The following PLAGL1 variants were observed in gnomAD, a reference collection of about 807,000 sequenced individuals.
The protein encoded by PLAGL1 is zinc finger protein PLAGL1.
In PLAGL1, 1 loss-of-function variant was observed where a neutral mutation model predicts 4.6. The observed-to-expected ratio is 0.22, with a 90% CI of 0.08 to 1.03. The LOEUF (loss-of-function observed/expected upper bound fraction) is 1.03. Among genes scored for constraint, PLAGL1 ranks in the 50% least tolerant of loss-of-function variants. The pLI, the probability that PLAGL1 is intolerant of heterozygous loss-of-function variation, is 0.58. For synonymous variants in PLAGL1, 240 were observed against 237.8 expected, an observed-to-expected ratio of 1.01 and a Z score of -0.08; for missense variants, 464 against 570.4, an observed-to-expected ratio of 0.81 and a Z score of 1.90.
At chr6:143,977,439 C>CT (rs958256573) in intron 2 of PLAGL1, among the ~76,000 whole-genome samples, 1,248 of 110,642 alleles carry the variant, frequency 0.011, 21 homozygotes, top group African/African-American at 0.037. Flanking sequence ...TAGCTCACTT[C>CT]TTTTTTTTTT....
At chr6:143,977,747 A>T (rs1252248213) in intron 2 of PLAGL1, among the ~76,000 whole-genome samples, 1 of 151,600 alleles carries the variant, frequency 6.6e-6, no homozygotes, top group Non-Finnish European at 1.5e-5. Context: ...TGATCCACCC[A>T]TCTCGGCCTC....
chr6:143,970,543 G>A lies in PLAGL1; in HGVS notation c.-543-1565C>T, dbSNP rs1248959968. 6.6e-6 allele frequency among the ~76,000 whole-genome samples: 1 copy of A among 152,024 alleles called. No individual in the cohort carries two copies. Among genetic ancestry groups the A allele is most frequent in the Non-Finnish European group, 1.5e-5 (1 of 68,006 alleles). ...GCAACTAAATCTAGTGGGTAAGGAG[G>A]ATGTCTTGTTTTCAACGGCTAGATA... On this transcript the variant is annotated intron_variant, in intron 2 of 7. Coordinates refer to ENST00000674357, the MANE Select transcript of PLAGL1 (RefSeq NM_001317162.2). This position sits in a 1 kb window ranked among gnomAD's most constrained non-coding sequence, Gnocchi z 5.8.
chr6:143,994,024 T>G lies in PLAGL1; in HGVS notation c.-583-8850A>C, dbSNP rs1447408444. ...TAGGGCAAATTCTCAAATGTTCACT[T>G]CATATATGGCTAAGGAAAAAAAAAA... On this transcript the variant is annotated intron_variant, in intron 1 of 7. Transcript: ENST00000674357. The surrounding 1 kb of genome is among the most constrained non-coding windows in gnomAD (Gnocchi z 4.3). Among the ~76,000 whole-genome samples the G allele has an allele frequency of 3.3e-5, 5 of 151,390 alleles. No homozygotes were observed. Among genetic ancestry groups the G allele is most frequent in the Non-Finnish European group, 7.4e-5 (5 of 67,840 alleles).
rs1778328948 is a variant in PLAGL1, at chr6:143,940,361, C to CATA, written c.*1060_*1062dup. On this transcript the variant is annotated 3_prime_UTR_variant, in exon 8 of 8. Coordinates refer to ENST00000674357, the MANE Select transcript of PLAGL1 (RefSeq NM_001317162.2). ...ATGTTTACGGAAAAGCCTCTAAAAA[C>CATA]ATAAGACAATGGAGCTTTAAAAAAG... The CATA allele has an allele frequency of 6.6e-6, 1 of 152,144 alleles. No homozygotes were observed. Among genetic ancestry groups the CATA allele is most frequent in the African/African-American group, 2.4e-5 (1 of 41,420 alleles). The allele number at this position is 152,144 out of a possible 1,614,324, so 9.4% of individuals were successfully genotyped here. A position where few individuals can be genotyped will look rare whatever the true frequency, so the allele number is the denominator to read the frequency against.
chr6:143,941,952 C>A lies in PLAGL1; in HGVS notation c.864G>T (p.Ser288=), dbSNP rs201057231. The change falls in exon 8 of 8, where the codon TCG becomes TCT. Residue 288 remains serine, a synonymous_variant. Coordinates refer to ENST00000674357, the MANE Select transcript of PLAGL1 (RefSeq NM_001317162.2). The surrounding 1 kb of genome is among the most constrained non-coding windows in gnomAD (Gnocchi z 6.0). Reference sequence around the variant, plus strand: ...GTGGCGGAGGAGAGCCAGGGGATACCGAGGGGTGGAGGGAGGCCAGGGACT... The same window carrying A: ...GTGGCGGAGGAGAGCCAGGGGATACAGAGGGGTGGAGGGAGGCCAGGGACT... ...LPESLASLHP[S]VSPGSPPPPL... 328 of 1,602,724 alleles carry A rather than the reference C, an allele frequency of 2.0e-4. 2 individuals are homozygous for A. The East Asian group carries it at 7.0e-3, about 34-fold the overall frequency.
At chr6:144,014,443 A>T (rs1014609770) in intron 1 of PLAGL1, among the ~76,000 whole-genome samples, 4 of 152,012 alleles carry the variant, frequency 2.6e-5, no homozygotes, top group South Asian at 2.1e-4. Context: ...AAATAAAAAT[A>T]AAAAAAAGAC....
rs1349781605 is a variant in PLAGL1 at position 144,053,935 on chromosome 6, A to G, written c.-151+10533T>C. ...ATTATCACATGAATCCTGTCAAAGT[A>G]CATACCAAGAAGAACACCATCAACT... On this transcript the variant is annotated intron_variant, in intron 1 of 3. Coordinates refer to the PLAGL1 transcript ENST00000437412. The surrounding 1 kb of genome is among the most constrained non-coding windows in gnomAD (Gnocchi z 4.0). Among the ~76,000 whole-genome samples the G allele has an allele frequency of 1.3e-5, 2 of 152,228 alleles. No individual in the cohort carries two copies. The highest frequency in any genetic ancestry group is 4.8e-5 in the African/African-American group (2 of 41,462).
chr6:144,020,413 G>A (rs1795885456), intron 1 of PLAGL1, among the ~76,000 whole-genome samples: 1 of 151,708 alleles, frequency 6.6e-6, no homozygotes, highest in African/African-American at 2.4e-5. Context: ...TCAGCCTCCC[G>A]AGAAGCTGGG....
In PLAGL1 at chr6:143,970,212, T is replaced by A. The variant is rs1381059724; in HGVS notation, c.-543-1234A>T. On this transcript the variant is annotated intron_variant, in intron 2 of 7. Transcript: ENST00000674357. The surrounding 1 kb of genome is among the most constrained non-coding windows in gnomAD (Gnocchi z 5.8). ...TAACGAAACCATATCAATTTGAATC[T>A]TACTAATGCAAAAGGCATAAACTTT... is the stretch of plus-strand genomic sequence containing the variant. Among the ~76,000 whole-genome samples, 8 of 152,328 alleles carry A rather than the reference T, an allele frequency of 5.3e-5. No individual in the cohort carries two copies. The South Asian group carries it at 1.7e-3, about 32-fold the overall frequency.
chr6:143,941,469 G>C lies in PLAGL1; in HGVS notation c.1347C>G (p.Gly449=). ...AATGAGGCAGGATGGCAGAGCCAGT[G>C]CCAGCTGAGAACACATGAGGGATGG... is the stretch of plus-strand genomic sequence containing the variant. ...LPPIPHVFSA[G]TGSAILPHFH... The change falls in exon 8 of 8, where the codon GGC becomes GGG. Residue 449 remains glycine, a synonymous_variant. Coordinates refer to ENST00000674357, the MANE Select transcript of PLAGL1 (RefSeq NM_001317162.2). This position sits in a 1 kb window ranked among gnomAD's most constrained non-coding sequence, Gnocchi z 6.0. The C allele has an allele frequency of 6.6e-7, 1 of 1,509,192 alleles. No homozygotes were observed. Among genetic ancestry groups the C allele is most frequent in the Non-Finnish European group, 8.9e-7 (1 of 1,129,100 alleles). The allele number at this position is 1,509,192 out of a possible 1,614,324, so 93.5% of individuals were successfully genotyped here.
rs941942662 is a variant in PLAGL1, at chr6:144,061,743, C to G, written c.-151+2725G>C. On this transcript the variant is annotated intron_variant, in intron 1 of 3. Transcript: ENST00000437412. The surrounding 1 kb of genome is among the most constrained non-coding windows in gnomAD (Gnocchi z 4.4). The stretch of plus-strand genomic sequence containing the variant: ...TGATTCACTTATTCCTTTTCTACTC[C>G]CCACCTCCCACCATCAATTTTATCA... 1.3e-5 allele frequency among the ~76,000 whole-genome samples: 2 copies of G among 152,104 alleles called. No individual in the cohort carries two copies. The highest frequency in any genetic ancestry group is 4.8e-5 in the African/African-American group (2 of 41,398).
intron 2 of PLAGL1, among the ~76,000 whole-genome samples, chr6:143,969,323 C>T (rs906585889): frequency 6.6e-6 from 1 of 152,044 alleles, no homozygotes; most frequent in African/African-American, 2.4e-5. Context: ...GCTTCCTGTC[C>T]TGTAAAATGG....
At position 143,990,575 on chromosome 6, in the gene PLAGL1, T is replaced by C. The variant is rs2128630108; in HGVS notation, c.-583-5401A>G. 6.6e-6 allele frequency among the ~76,000 whole-genome samples: 1 copy of C among 152,298 alleles called. No homozygotes were observed. Among genetic ancestry groups the C allele is most frequent in the Middle Eastern group, 3.4e-3 (1 of 294 alleles). The stretch of plus-strand genomic sequence containing the variant: ...ACTTTCCAACCCATTCCCCAGGCTC[T>C]TATCTCTACCACTCTATCAAAAGAT... On this transcript the variant is annotated intron_variant, in intron 1 of 7. Coordinates refer to ENST00000674357, the MANE Select transcript of PLAGL1 (RefSeq NM_001317162.2). This position sits in a 1 kb window ranked among gnomAD's most constrained non-coding sequence, Gnocchi z 5.4.
intron 1 of PLAGL1, among the ~76,000 whole-genome samples, chr6:143,998,570 G>A (rs1792166834): frequency 6.6e-6 from 1 of 152,182 alleles, no homozygotes; most frequent in African/African-American, 2.4e-5. Context: ...CTCTTTGTAT[G>A]CAAAGTATCA....
intron 2 of PLAGL1, among the ~76,000 whole-genome samples, chr6:143,976,076 C>T (rs1008722256): frequency 3.3e-5 from 5 of 152,040 alleles, no homozygotes; most frequent in Admixed American, 2.6e-4. Flanking sequence ...TATTCCTTGT[C>T]TCATTTTTTC....
Position 144,061,984 on chromosome 6 carries a change from G to A in PLAGL1, c.-151+2484C>T, listed in dbSNP as rs1562624709. Among the ~76,000 whole-genome samples, 1 of 151,884 alleles carries A rather than the reference G, an allele frequency of 6.6e-6. No individual in the cohort carries two copies. The highest frequency in any genetic ancestry group is 2.4e-5 in the African/African-American group (1 of 41,280). On this transcript the variant is annotated intron_variant, in intron 1 of 3. Transcript: ENST00000437412. The surrounding 1 kb of genome is among the most constrained non-coding windows in gnomAD (Gnocchi z 4.4). Reference sequence around the variant, plus strand: ...ACCCATTTTGAGCTTTTTCTTTTTTGTTTGTTTTGTTTTTTAACCACCCCT... The same window carrying A: ...ACCCATTTTGAGCTTTTTCTTTTTTATTTGTTTTGTTTTTTAACCACCCCT...
Position 143,942,265 on chromosome 6 carries a change from A to T in PLAGL1, c.551T>A (p.Phe184Tyr). The T allele has an allele frequency of 6.2e-7, 1 of 1,614,040 alleles. No individual in the cohort carries two copies. The highest frequency in any genetic ancestry group is 1.1e-5 in the South Asian group (1 of 91,064). ...TCTCTGGGCACAGAACTGGCACAGG[A>T]AGTCCTTGCATCCTGTGTGGACCAC... Reference protein sequence around the residue: ...HLVVHTGCKDFLCQFCAQRFG... With the variant: ...HLVVHTGCKDYLCQFCAQRFG... The change falls in exon 8 of 8, where the codon TTC becomes TAC. Residue 184 changes from phenylalanine to tyrosine, a missense_variant. Transcript: ENST00000674357. The surrounding 1 kb of genome is among the most constrained non-coding windows in gnomAD (Gnocchi z 7.6).
In PLAGL1 at chr6:143,960,245, A is replaced by G. The variant is rs1783097703; in HGVS notation, c.-325+224T>C. Among the ~76,000 whole-genome samples, 1 of 152,332 alleles carries G rather than the reference A, an allele frequency of 6.6e-6. No homozygotes were observed. Among genetic ancestry groups the G allele is most frequent in the East Asian group, 1.9e-4 (1 of 5,186 alleles). On this transcript the variant is annotated intron_variant, in intron 6 of 7. Transcript: ENST00000674357. The surrounding 1 kb of genome is among the most constrained non-coding windows in gnomAD (Gnocchi z 5.7). ...GAGGTCATGAAAAGTTGCTAACTGC[A>G]TCATCCAATTCCCTGAAACACATGT...
intron 1 of PLAGL1, among the ~76,000 whole-genome samples, chr6:144,029,685 T>C (rs1219842291): frequency 3.3e-5 from 5 of 152,226 alleles, no homozygotes; most frequent in Non-Finnish European, 7.3e-5. Flanking sequence ...ATCTCTCACA[T>C]ATTGCTGATC....
Sources: gnomAD v4.1 joint callset for allele counts (sites outside exome capture counted in the v4.1 genomes callset) on GRCh38, gnomAD v4.1.1 for gene constraint, Gnocchi (gnomAD v3.1) non-coding constraint, MANE v1.5 for transcripts, NCBI Gene and HGNC (gene_info 2026-07-23, HGNC 2026-07-21) for gene names.